The following CCNJL variants were observed in gnomAD, a reference collection of about 807,000 sequenced individuals.
CCNJL encodes cyclin J like, also known as cyclin-J-like protein.
CCNJL carries 33 observed loss-of-function variants against 33.4 expected under a neutral mutation model. The observed-to-expected ratio is 0.99, with a 90% CI of 0.75 to 1.32. The LOEUF is 1.32. Among genes scored for constraint, CCNJL ranks in the 40% most tolerant of loss-of-function variants. The probability of loss-of-function intolerance (pLI) is 0.00; values close to 1 mark genes in which losing one functional copy is unlikely to be tolerated. For synonymous variants in CCNJL, 227 were observed against 220.9 expected, an observed-to-expected ratio of 1.03 and a Z score of -0.24; for missense variants, 512 against 499.7, an observed-to-expected ratio of 1.02 and a Z score of -0.23.
At chr5:160,306,184 T>C (rs1179528040) in intron 2 of CCNJL, among the ~76,000 whole-genome samples, 1 of 144,164 alleles carries the variant, frequency 6.9e-6, no homozygotes, top group Non-Finnish European at 1.5e-5. Context: ...GGCAGGGGAA[T>C]CACTTGAACC....
intron 3 of CCNJL, among the ~76,000 whole-genome samples, chr5:160,264,023 A>AT (rs1377213703): frequency 6.8e-6 from 1 of 147,352 alleles, no homozygotes; most frequent in Non-Finnish European, 1.5e-5. Context: ...TCGGCTCACC[A>AT]TATCTTCAAC....
chr5:160,293,910 C>T (rs1762668169), intron 2 of CCNJL, among the ~76,000 whole-genome samples: 1 of 152,144 alleles, frequency 6.6e-6, no homozygotes. Context: ...CAAACACCAG[C>T]CACCAAGAGA....
chr5:160,284,402 A>C (rs972675619), intron 2 of CCNJL, among the ~76,000 whole-genome samples: 4 of 151,794 alleles, frequency 2.6e-5, no homozygotes, highest in Non-Finnish European at 5.9e-5. Flanking sequence ...GTGAATTGTT[A>C]TATCTCAATA....
At chr5:160,257,591 T>C (rs1761125410) in intron 4 of CCNJL, among the ~76,000 whole-genome samples, 1 of 151,902 alleles carries the variant, frequency 6.6e-6, no homozygotes, top group Admixed American at 6.6e-5. Context: ...GGTGGGAGGA[T>C]AGCTTGAGCC....
Position 160,253,479 on chromosome 5 carries a change from T to TATGC in CCNJL, c.1059_1062dup (p.Met355AlafsTer7), listed in dbSNP as rs777995694. On this transcript the variant is annotated frameshift_variant, in exon 6 of 6. Coordinates refer to ENST00000257536, the MANE Select transcript of CCNJL (RefSeq NM_001308173.3). LOFTEE classifies it high-confidence loss of function. The stretch of plus-strand genomic sequence containing the variant: ...TGCCTGGGCTCAGCTGCAATGGCCA[T>TATGC]ATGCATGCTAAGGGATGCAGGGACG... 8 of 1,614,008 alleles carry TATGC rather than the reference T, an allele frequency of 5.0e-6. No homozygotes were observed. The highest frequency in any genetic ancestry group is 6.8e-6 in the Non-Finnish European group (8 of 1,179,978).
At chr5:160,337,321 C>A (rs1028865742) in intron 1 of CCNJL, among the ~76,000 whole-genome samples, 12 of 151,970 alleles carry the variant, frequency 7.9e-5, no homozygotes, top group Non-Finnish European at 1.5e-4. Context: ...AACTTGGCTG[C>A]TGGGATTATT....
In CCNJL at chr5:160,251,730, AC is replaced by A. The variant is rs1371197586; in HGVS notation, c.*1647del. 6.6e-6 allele frequency: 1 copy of A among 152,180 alleles called. No individual in the cohort carries two copies. The highest frequency in any genetic ancestry group is 1.5e-5 in the Non-Finnish European group (1 of 68,030). The allele number at this position is 152,180 out of a possible 1,614,324, so 9.4% of individuals were successfully genotyped here. On this transcript the variant is annotated 3_prime_UTR_variant, in exon 6 of 6. Transcript: ENST00000257536. ...TCGTGCTGGCTGTGAGGGAACCCTC[AC>A]AATCCCCAGGTCCCAGAACAGACAG...
At chr5:160,256,632 T>C (rs1761074151) in intron 4 of CCNJL, among the ~76,000 whole-genome samples, 1 of 152,152 alleles carries the variant, frequency 6.6e-6, no homozygotes. Context: ...TTGTTCATGA[T>C]TTTTGCTGGG....
At chr5:160,292,173 C>CT (rs1561796603) in intron 2 of CCNJL, among the ~76,000 whole-genome samples, 1 of 152,202 alleles carries the variant, frequency 6.6e-6, no homozygotes, top group Non-Finnish European at 1.5e-5. Context: ...AGGACACAGC[C>CT]TTCTCTTTCC....
rs934112214 is a variant in CCNJL, at chr5:160,251,374, A to G, written c.*2004T>C. 2 of 152,196 alleles carry G rather than the reference A, an allele frequency of 1.3e-5. No individual in the cohort carries two copies. Among genetic ancestry groups the G allele is most frequent in the African/African-American group, 2.4e-5 (1 of 41,442 alleles). The allele number at this position is 152,196 out of a possible 1,614,324, so 9.4% of individuals were successfully genotyped here. On this transcript the variant is annotated 3_prime_UTR_variant, in exon 6 of 6. Transcript: ENST00000257536. ...ACAGCCTCTGCAATCACATGAGCCAATTCCTTAAAATAAATCTCTCTCCAT... is the reference window on the plus strand; with the variant it reads ...ACAGCCTCTGCAATCACATGAGCCAGTTCCTTAAAATAAATCTCTCTCCAT...
rs59901623 is a variant in CCNJL at position 160,321,044 on chromosome 5, T to C, written n.207-5539A>G. 2.4e-4 allele frequency among the ~76,000 whole-genome samples: 27 copies of C among 110,602 alleles called. 1 individual carries two copies. The highest frequency in any genetic ancestry group is 4.8e-4 in the African/African-American group (9 of 18,560). 72.6% of individuals were successfully genotyped at this position (110,602 alleles called of 152,430 possible). Reference sequence around the variant, plus strand: ...TTTCTTTCTTTCTTTCTTTCTTTCTTTCTTTCTTTCTTTCTTTCTTTCTTT... The same window carrying C: ...TTTCTTTCTTTCTTTCTTTCTTTCTCTCTTTCTTTCTTTCTTTCTTTCTTT... On this transcript the variant is annotated intron_variant and non_coding_transcript_variant, in intron 1 of 7. Transcript: ENST00000377503.
chr5:160,267,569 T>TA (rs1478825294), intron 3 of CCNJL, among the ~76,000 whole-genome samples: 1 of 152,208 alleles, frequency 6.6e-6, no homozygotes, highest in East Asian at 1.9e-4. Flanking sequence ...GGAAACCTTA[T>TA]ATACAGTCAC....
chr5:160,267,641 C>T (rs1336649025), intron 3 of CCNJL, among the ~76,000 whole-genome samples: 3 of 152,160 alleles, frequency 2.0e-5, no homozygotes, highest in Admixed American at 6.5e-5. Context: ...GAGGAACTTC[C>T]ATGGATGTGT....
At position 160,257,210 on chromosome 5, in the gene CCNJL, T is replaced by A. The variant is rs188430007; in HGVS notation, c.584-1502A>T. On this transcript the variant is annotated intron_variant, in intron 4 of 5. Coordinates refer to ENST00000257536, the MANE Select transcript of CCNJL (RefSeq NM_001308173.3). ...TAAAAAATTGGCCGGGTGCAGTGGT[T>A]CACGCCTGTAATCCCAGCACTTTGG... Among the ~76,000 whole-genome samples, 602 of 151,906 alleles carry A rather than the reference T, an allele frequency of 4.0e-3. 1 individual carries two copies. Among genetic ancestry groups the A allele is most frequent in the Non-Finnish European group, 5.9e-3 (402 of 67,954 alleles).
chr5:160,312,932 CTCTT>C (rs1213637765), upstream of CCNJL: 7 of 134,572 alleles, frequency 5.2e-5, no homozygotes, highest in South Asian at 1.1e-3. Flanking sequence ...CTTTCTCTCT[CTCTT>C]TTTTTTTTTT....
intron 1 of CCNJL, among the ~76,000 whole-genome samples, chr5:160,321,865 T>A: frequency 6.6e-6 from 1 of 151,912 alleles, no homozygotes; most frequent in East Asian, 1.9e-4. Context: ...TCTCAAAAAA[T>A]ATATATATTA....
intron 2 of CCNJL, among the ~76,000 whole-genome samples, chr5:160,293,958 C>A (rs1246269758): frequency 1.3e-5 from 2 of 152,280 alleles, no homozygotes; most frequent in African/African-American, 4.8e-5. Context: ...CCCTACCATG[C>A]CTATCCCTAC....
At chr5:160,256,061 G>T (rs575128574) in intron 4 of CCNJL, among the ~76,000 whole-genome samples, 1 of 152,052 alleles carries the variant, frequency 6.6e-6, no homozygotes, top group Non-Finnish European at 1.5e-5. Context: ...GCTAATTTTC[G>T]TATTTTTTTG....
chr5:160,277,945 T>A (rs1425862463), intron 3 of CCNJL, among the ~76,000 whole-genome samples: 1 of 152,094 alleles, frequency 6.6e-6, no homozygotes, highest in East Asian at 1.9e-4. Flanking sequence ...TTCGTTCTTG[T>A]TGCCCAGGCT....
Sources: allele counts gnomAD v4.1 joint callset (sites outside exome capture counted in the v4.1 genomes callset), GRCh38; gene constraint gnomAD v4.1.1; transcripts MANE v1.5; gene names NCBI Gene and HGNC (gene_info 2026-07-23, HGNC 2026-07-21).